GARIN6: variants seen among roughly 807,000 people sequenced by gnomAD.
The protein encoded by GARIN6 is golgi associated RAB2 interactor family member 6.
the GARIN6 span, chr12:99,649,418 T>C: frequency 6.3e-7 from 1 of 1,583,990 alleles, no homozygotes; most frequent in Non-Finnish European, 8.7e-7. Flanking sequence ...ACCTCCCACA[T>C]ATACTACGTT....
the GARIN6 span, chr12:99,648,444 A>G: frequency 1.9e-6 from 3 of 1,614,130 alleles, no homozygotes; most frequent in Non-Finnish European, 2.5e-6. Flanking sequence ...TGCTGGCCCG[A>G]CCAGCTGCTG....
chr12:99,649,332 C>G, the GARIN6 span: 2 of 1,614,032 alleles, frequency 1.2e-6, no homozygotes, highest in East Asian at 2.2e-5. Flanking sequence ...AATTCAGAAT[C>G]AGTAGACTTC....
chr12:99,648,900 A>T, the GARIN6 span: 1 of 1,395,134 alleles, frequency 7.2e-7, no homozygotes, highest in South Asian at 1.5e-5. Flanking sequence ...TTGCATTTGG[A>T]AGGTCTGAAG....
chr12:99,648,231 C>T, the GARIN6 span: 1 of 1,614,136 alleles, frequency 6.2e-7, no homozygotes. Flanking sequence ...CCGCAATGGG[C>T]ATGTTTAACA....
chr12:99,649,589 G>A, the GARIN6 span: 1 of 547,478 alleles, frequency 1.8e-6, no homozygotes, highest in Non-Finnish European at 3.3e-6. Flanking sequence ...ACTGGCAAAA[G>A]CAGCCTTCAG....
the GARIN6 span, chr12:99,649,914 G>T: frequency 6.5e-6 from 1 of 154,830 alleles, no homozygotes; most frequent in East Asian, 1.9e-4. Context: ...AAGCCAGAGG[G>T]TCTCTACCTA....
At chr12:99,648,922 T>C in the GARIN6 span, 2 of 1,264,070 alleles carry the variant, frequency 1.6e-6, no homozygotes, top group Non-Finnish European at 2.1e-6. Context: ...CCAAATGAGC[T>C]TCCATTTGGA....
At chr12:99,648,521 A>G in the GARIN6 span, 2 of 1,614,098 alleles carry the variant, frequency 1.2e-6, no homozygotes, top group Non-Finnish European at 1.7e-6. Flanking sequence ...GAGATCTTAG[A>G]ACTAACCAGG....
the GARIN6 span, chr12:99,648,240 C>A: frequency 1.2e-6 from 2 of 1,614,206 alleles, no homozygotes; most frequent in Admixed American, 1.7e-5. Context: ...GCATGTTTAA[C>A]ACCTCCATGG....
At chr12:99,647,982 C>T in the GARIN6 span, 6 of 704,480 alleles carry the variant, frequency 8.5e-6, no homozygotes, top group South Asian at 2.0e-5. Context: ...GACTGACTGT[C>T]TCTGGCATTG....
At chr12:99,649,671 G>T in the GARIN6 span, 3 of 361,862 alleles carry the variant, frequency 8.3e-6, no homozygotes, top group Non-Finnish European at 1.5e-5. Context: ...TTATAGCAAG[G>T]GCTGCATGCA....
At chr12:99,648,821 G>A in the GARIN6 span, 1 of 1,584,102 alleles carries the variant, frequency 6.3e-7, no homozygotes. Context: ...ATGGGGCCTG[G>A]ATGCTTTGGG....
At chr12:99,648,224 C>T in the GARIN6 span, 12 of 1,614,170 alleles carry the variant, frequency 7.4e-6, no homozygotes, top group Non-Finnish European at 1.0e-5. Flanking sequence ...AGCAGCCCCG[C>T]AATGGGCATG....
the GARIN6 span, among the ~76,000 whole-genome samples, chr12:99,649,135 G>A: frequency 2.0e-5 from 3 of 152,182 alleles, no homozygotes; most frequent in Non-Finnish European, 2.9e-5. Context: ...TATGTTGTAG[G>A]ACGTGTCTCC....
chr12:99,648,660 T>C, the GARIN6 span: 1 of 1,614,194 alleles, frequency 6.2e-7, no homozygotes. Context: ...GTGAAGACCT[T>C]TTTGTTCACT....
the GARIN6 span, chr12:99,648,187 T>C: frequency 1.1e-5 from 17 of 1,613,282 alleles, no homozygotes; most frequent in African/African-American, 1.5e-4. Context: ...GGAGGACTGC[T>C]GTATGCTACC....
the GARIN6 span, chr12:99,648,051 A>G: frequency 7.3e-7 from 1 of 1,368,134 alleles, no homozygotes; most frequent in Non-Finnish European, 9.8e-7. Flanking sequence ...GACAAAAAAG[A>G]AAGCCTGCAG....
At chr12:99,649,028 T>C in the GARIN6 span, among the ~76,000 whole-genome samples, 3 of 152,198 alleles carry the variant, frequency 2.0e-5, no homozygotes, top group African/African-American at 7.2e-5. Context: ...CTTCATTTTA[T>C]ATCCACAGCT....
At chr12:99,649,533 G>A in the GARIN6 span, 1 of 663,406 alleles carries the variant, frequency 1.5e-6, no homozygotes, top group South Asian at 1.9e-5. Flanking sequence ...CAGGTACCAT[G>A]GATGTGGCTG....
Sources: allele counts gnomAD v4.1 joint callset (sites outside exome capture counted in the v4.1 genomes callset), GRCh38; gene constraint gnomAD v4.1.1; transcripts MANE v1.5; gene names NCBI Gene and HGNC (gene_info 2026-07-23, HGNC 2026-07-21).